Variants in RANBP2 observed in about 807,000 individuals in gnomAD.
The protein encoded by RANBP2 is RAN binding protein 2.
Under a neutral mutation model 303.6 loss-of-function variants are expected in RANBP2, and 57 were observed. The observed-to-expected ratio is 0.19, with a 90% confidence interval of 0.15 to 0.23. The LOEUF (loss-of-function observed/expected upper bound fraction) is 0.23. Ranked by LOEUF, RANBP2 falls within the 10% of genes least tolerant of loss-of-function variation. The pLI is 1.00. For synonymous variants in RANBP2, 1,167 were observed against 1,301.5 expected (o/e 0.90, Z 2.23); for missense variants, 3,138 against 3,780.8 (o/e 0.83, Z 4.46).
chr2:108,829,299 G>A, the RANBP2 span, among the ~76,000 whole-genome samples: 1 of 151,962 alleles, frequency 6.6e-6, no homozygotes, highest in Non-Finnish European at 1.5e-5. Context: ...AAACCAAAAA[G>A]ACCCTATTTT....
the RANBP2 span, among the ~76,000 whole-genome samples, chr2:108,852,900 T>TA: frequency 2.0e-5 from 3 of 151,986 alleles, no homozygotes; most frequent in East Asian, 5.8e-4. Context: ...TAAAATAAAA[T>TA]AAAAAAACCC....
the RANBP2 span, chr2:109,614,702 C>G: frequency 1.3e-6 from 2 of 1,488,548 alleles, no homozygotes; most frequent in African/African-American, 1.5e-5. Context: ...TCGATCCCGC[C>G]GACGGCGCCA....
At chr2:109,475,306 C>T in the RANBP2 span, among the ~76,000 whole-genome samples, 1 of 152,230 alleles carries the variant, frequency 6.6e-6, no homozygotes, top group Non-Finnish European at 1.5e-5. Flanking sequence ...CCGAGGGCTA[C>T]AGGACTATTG....
At chr2:109,451,826 C>T in the RANBP2 span, among the ~76,000 whole-genome samples, 3 of 152,234 alleles carry the variant, frequency 2.0e-5, no homozygotes, top group Non-Finnish European at 2.9e-5. Context: ...TGATAGCTCC[C>T]GAGCCTCTGT....
the RANBP2 span, among the ~76,000 whole-genome samples, chr2:109,309,008 C>T: frequency 1.2e-5 from 1 of 81,280 alleles, no homozygotes; most frequent in Non-Finnish European, 2.1e-5. Context: ...TGTAAATTAC[C>T]TTGGGCAGTA....
At position 108,749,138 on chromosome 2, in the gene RANBP2, T is replaced by C. The variant is rs374341209; in HGVS notation, c.1273+9T>C. 3 of 1,611,960 alleles carry C rather than the reference T, an allele frequency of 1.9e-6. No individual in the cohort carries two copies. Among genetic ancestry groups the C allele is most frequent in the Admixed American group, 1.7e-5 (1 of 60,018 alleles). ...GACTAGATACGATGTTGGTAAGTTA[T>C]ATGTTTCAGAGGAAATGGTCTCCGT... On this transcript the variant is annotated intron_variant, in intron 9 of 28. Coordinates refer to ENST00000283195, the MANE Select transcript of RANBP2 (RefSeq NM_006267.5).
the RANBP2 span, among the ~76,000 whole-genome samples, chr2:109,696,248 C>T: frequency 4.6e-5 from 7 of 152,228 alleles, no homozygotes; most frequent in Admixed American, 3.9e-4. Context: ...CAGGCATGAG[C>T]CACCATGCCC....
At chr2:108,912,558 G>T in the RANBP2 span, 4 of 918,162 alleles carry the variant, frequency 4.4e-6, no homozygotes, top group East Asian at 1.1e-4. Context: ...CATTAGGGAG[G>T]TGAGGCCAGG....
intron 26 of RANBP2, 128 bp from the exon 27 acceptor site, chr2:108,782,000 A>C: frequency 9.8e-7 from 1 of 1,015,928 alleles, no homozygotes; most frequent in Non-Finnish European, 1.4e-6. Flanking sequence ...ATATATAACC[A>C]GTTATCACAT....
chr2:109,040,781 C>T, the RANBP2 span, among the ~76,000 whole-genome samples: 8 of 152,158 alleles, frequency 5.3e-5, no homozygotes, highest in East Asian at 1.9e-4. Flanking sequence ...ATAGGCCAGG[C>T]GCGGTGGCCC....
chr2:109,432,062 A>G, the RANBP2 span, among the ~76,000 whole-genome samples: 1 of 152,206 alleles, frequency 6.6e-6, no homozygotes, highest in Non-Finnish European at 1.5e-5. Context: ...GCCCAAGAAT[A>G]GCTTAGCTCA....
chr2:108,848,143 AATT>A, the RANBP2 span, among the ~76,000 whole-genome samples: 6 of 152,228 alleles, frequency 3.9e-5, no homozygotes, highest in African/African-American at 7.2e-5. Flanking sequence ...ATATAAGAAA[AATT>A]ATTAATCATT....
chr2:108,739,005 A>T (rs933780167), intron 6 of RANBP2, among the ~76,000 whole-genome samples: 3 of 152,152 alleles, frequency 2.0e-5, no homozygotes, highest in Admixed American at 6.5e-5. Flanking sequence ...TTGCTTTTGC[A>T]TTTTTGTGAA....
At chr2:109,303,216 T>C in the RANBP2 span, among the ~76,000 whole-genome samples, 2 of 152,104 alleles carry the variant, frequency 1.3e-5, no homozygotes, top group Non-Finnish European at 2.9e-5. Flanking sequence ...CCAAAGAACT[T>C]TGGGAGAGAT....
the RANBP2 span, among the ~76,000 whole-genome samples, chr2:109,184,443 G>T: frequency 6.6e-6 from 1 of 152,196 alleles, no homozygotes; most frequent in Non-Finnish European, 1.5e-5. Context: ...TATTGCTGTG[G>T]CGGGGCCCTG....
the RANBP2 span, among the ~76,000 whole-genome samples, chr2:108,811,675 G>A: frequency 6.6e-6 from 1 of 152,042 alleles, no homozygotes; most frequent in Non-Finnish European, 1.5e-5. Flanking sequence ...GATATATTGT[G>A]TAACAGTGAG....
the RANBP2 span, among the ~76,000 whole-genome samples, chr2:109,515,913 C>T: frequency 6.6e-6 from 1 of 152,148 alleles, no homozygotes; most frequent in South Asian, 2.1e-4. Context: ...GCCCCACGAC[C>T]CAAACACCGC....
chr2:109,516,151 C>T, the RANBP2 span, among the ~76,000 whole-genome samples: 1 of 152,194 alleles, frequency 6.6e-6, no homozygotes, highest in Admixed American at 6.5e-5. Context: ...AGCCCCCAGA[C>T]ACCCTTGAGT....
At chr2:108,727,037 C>T (rs1694773591) in intron 1 of RANBP2, among the ~76,000 whole-genome samples, 1 of 152,174 alleles carries the variant, frequency 6.6e-6, no homozygotes, top group African/African-American at 2.4e-5. Flanking sequence ...CTACTTCTTT[C>T]TACACAGACA....
Sources: gnomAD v4.1 joint callset for allele counts (sites outside exome capture counted in the v4.1 genomes callset) on GRCh38, gnomAD v4.1.1 for gene constraint, MANE v1.5 for transcripts, NCBI Gene and HGNC (gene_info 2026-07-23, HGNC 2026-07-21) for gene names.